LINGO2: variants seen among roughly 807,000 people sequenced by gnomAD.
LINGO2 encodes leucine-rich repeat and immunoglobulin-like domain-containing nogo receptor-interacting protein 2.
Under a neutral mutation model 30.6 loss-of-function variants are expected in LINGO2, and 14 were observed. The ratio of observed to expected loss-of-function variants is 0.46; its 90% CI spans 0.30 to 0.72. LINGO2 has a LOEUF of 0.72. Among genes scored for constraint, LINGO2 ranks in the 30% least tolerant of loss-of-function variants. The pLI is 0.07. For synonymous variants in LINGO2, 317 were observed against 288.5 expected (o/e 1.10, Z -1.00); for missense variants, 729 against 751.7 (o/e 0.97, Z 0.35).
chr9:28,488,624 A>G (rs529639697), intron 1 of LINGO2, among the ~76,000 whole-genome samples: 2 of 152,312 alleles, frequency 1.3e-5, no homozygotes, highest in South Asian at 4.1e-4. Context: ...CATATTTCAT[A>G]TACTTGTGAG....
At chr9:28,820,314 T>G in the LINGO2 span, among the ~76,000 whole-genome samples, 10 of 150,556 alleles carry the variant, frequency 6.6e-5, no homozygotes, top group African/African-American at 2.4e-4. Context: ...CTGAGCAAGC[T>G]ATTAGAGACC....
chr9:29,057,110 T>G, the LINGO2 span, among the ~76,000 whole-genome samples: 1 of 152,078 alleles, frequency 6.6e-6, no homozygotes. Context: ...TTTTAAGATT[T>G]TTTTTTTCTA....
chr9:29,183,825 T>A, the LINGO2 span, among the ~76,000 whole-genome samples: 1 of 152,088 alleles, frequency 6.6e-6, no homozygotes, highest in African/African-American at 2.4e-5. Context: ...CTGTTTGAGA[T>A]GCCTTCCAAA....
the LINGO2 span, among the ~76,000 whole-genome samples, chr9:29,030,821 A>G: frequency 6.6e-6 from 1 of 152,116 alleles, no homozygotes; most frequent in Non-Finnish European, 1.5e-5. Flanking sequence ...ATATTTGTCC[A>G]CCAAATTTAC....
At chr9:28,233,778 T>G (rs1236685540) in intron 4 of LINGO2, among the ~76,000 whole-genome samples, 1 of 151,970 alleles carries the variant, frequency 6.6e-6, no homozygotes, top group African/African-American at 2.4e-5. Flanking sequence ...CCAGGTAGAG[T>G]TGTGAGGCCC....
At chr9:28,179,603 T>C (rs1362859379) in intron 4 of LINGO2, among the ~76,000 whole-genome samples, 1 of 141,752 alleles carries the variant, frequency 7.1e-6, no homozygotes, top group African/African-American at 2.6e-5. Context: ...ATATATACTA[T>C]AGTGTATATA....
intron 5 of LINGO2, among the ~76,000 whole-genome samples, chr9:27,961,277 C>T (rs1819832775): frequency 1.3e-5 from 2 of 152,236 alleles, no homozygotes; most frequent in African/African-American, 4.8e-5. Flanking sequence ...GATGTGACCC[C>T]ATCATAAGTC....
chr9:29,194,675 G>A, the LINGO2 span, among the ~76,000 whole-genome samples: 1 of 152,136 alleles, frequency 6.6e-6, no homozygotes, highest in Non-Finnish European at 1.5e-5. Context: ...AAGGTGGCAA[G>A]AGATCCCTGA....
At chr9:29,090,611 C>A in the LINGO2 span, among the ~76,000 whole-genome samples, 1 of 151,956 alleles carries the variant, frequency 6.6e-6, no homozygotes, top group Admixed American at 6.6e-5. Flanking sequence ...TAAAAAGTAT[C>A]ATAAAGAAAA....
At chr9:28,778,745 G>A in the LINGO2 span, among the ~76,000 whole-genome samples, 17 of 152,166 alleles carry the variant, frequency 1.1e-4, 1 homozygote, top group Middle Eastern at 0.017. Context: ...ATGTCTCCAT[G>A]TTCTCTTGAT....
intron 5 of LINGO2, among the ~76,000 whole-genome samples, chr9:27,969,756 CA>C (rs1820268041): frequency 6.6e-6 from 1 of 151,996 alleles, no homozygotes; most frequent in South Asian, 2.1e-4. Flanking sequence ...TGGTAGGTGG[CA>C]TTATTCCTAT....
At chr9:29,004,208 C>T in the LINGO2 span, among the ~76,000 whole-genome samples, 1 of 151,864 alleles carries the variant, frequency 6.6e-6, no homozygotes, top group African/African-American at 2.4e-5. Flanking sequence ...TCATTTTACC[C>T]TTTATATGTG....
At chr9:28,862,818 T>G in the LINGO2 span, among the ~76,000 whole-genome samples, 1 of 152,116 alleles carries the variant, frequency 6.6e-6, no homozygotes, top group Non-Finnish European at 1.5e-5. Context: ...AAATGACTAT[T>G]TGAAAGCTTA....
At position 28,055,289 on chromosome 9, in the gene LINGO2, T is replaced by C. The variant is rs906408327; in HGVS notation, c.-86-42884A>G. Among the ~76,000 whole-genome samples the C allele has an allele frequency of 2.6e-5, 4 of 152,116 alleles. No homozygotes were observed. In the South Asian group the frequency reaches 8.3e-4, roughly 31 times the overall value. The stretch of plus-strand genomic sequence containing the variant: ...CTTTTCCCTGTAGTTGCTTATAACA[T>C]GTGTTTTAAATGGCTTAGTAATTTC... On this transcript the variant is annotated intron_variant, in intron 4 of 5. Coordinates refer to ENST00000379992, the Ensembl canonical transcript of LINGO2.
chr9:28,107,837 T>C (rs923153021), intron 4 of LINGO2, among the ~76,000 whole-genome samples: 3 of 152,090 alleles, frequency 2.0e-5, no homozygotes, highest in Non-Finnish European at 4.4e-5. Context: ...TTGGCTACTT[T>C]TGAAAATAGG....
At chr9:28,441,390 C>T (rs948402161) in intron 2 of LINGO2, among the ~76,000 whole-genome samples, 1 of 148,146 alleles carries the variant, frequency 6.8e-6, no homozygotes, top group Admixed American at 7.0e-5. Flanking sequence ...AAATCTACCA[C>T]TTTGTTCATC....
chr9:28,106,021 C>T (rs547084100), intron 4 of LINGO2, among the ~76,000 whole-genome samples: 1 of 152,190 alleles, frequency 6.6e-6, no homozygotes, highest in Non-Finnish European at 1.5e-5. Flanking sequence ...CCTGTCAGAT[C>T]AGCAGCAGCA....
chr9:28,416,174 C>G (rs10812813), intron 2 of LINGO2, among the ~76,000 whole-genome samples: 65,326 of 151,926 alleles, frequency 0.43, 14,716 homozygotes, highest in East Asian at 0.69. Context: ...AAACAATCTG[C>G]TTTCTCTGAC....
chr9:28,254,453 T>C (rs1822313039), intron 4 of LINGO2, among the ~76,000 whole-genome samples: 1 of 152,124 alleles, frequency 6.6e-6, no homozygotes, highest in South Asian at 2.1e-4. Context: ...TTTAGGGCAC[T>C]TGATTTATCT....
Sources: allele counts gnomAD v4.1 joint callset (sites outside exome capture counted in the v4.1 genomes callset), GRCh38; gene constraint gnomAD v4.1.1; transcripts MANE v1.5; gene names NCBI Gene and HGNC (gene_info 2026-07-23, HGNC 2026-07-21).